The following INSYN2A variants were observed in gnomAD, a reference collection of about 807,000 sequenced individuals.
INSYN2A encodes family with sequence similarity 196 member A.
A neutral mutation model predicts 39.4 loss-of-function variants in INSYN2A; 17 were observed. That is an observed-to-expected ratio of 0.43 (90% confidence interval 0.30 to 0.65). The LOEUF is 0.65. INSYN2A is among the 30% of genes least tolerant of loss of function. The pLI is 0.14. For missense variants in INSYN2A, 595 were observed against 631.2 expected, an observed-to-expected ratio of 0.94 and a Z score of 0.61; for synonymous variants, 255 against 265.7, an observed-to-expected ratio of 0.96 and a Z score of 0.39.
chr10:127,186,674 T>C (rs934987072), intron 2 of INSYN2A, among the ~76,000 whole-genome samples: 1 of 151,926 alleles, frequency 6.6e-6, no homozygotes, highest in African/African-American at 2.4e-5. Context: ...TCCTGTTCTT[T>C]AGACTGAGAA....
intron 2 of INSYN2A, among the ~76,000 whole-genome samples, chr10:127,192,366 A>G (rs1292285524): frequency 6.6e-6 from 1 of 152,202 alleles, no homozygotes; most frequent in Admixed American, 6.5e-5. Flanking sequence ...GCTTGTCCCT[A>G]ATATCTGCTG....
chr10:127,191,124 C>A (rs1197037007), intron 2 of INSYN2A, among the ~76,000 whole-genome samples: 2 of 152,090 alleles, frequency 1.3e-5, no homozygotes, highest in Non-Finnish European at 2.9e-5. Flanking sequence ...TTGGCTTAAG[C>A]TCCAGGACTA....
intron 5 of INSYN2A, among the ~76,000 whole-genome samples, chr10:127,149,944 G>A (rs945118055): frequency 3.3e-5 from 5 of 152,154 alleles, no homozygotes; most frequent in Non-Finnish European, 7.3e-5. Flanking sequence ...CTAAGAGCCA[G>A]GCTTTGATCT....
rs1386524151 is a variant in INSYN2A at position 127,145,534 on chromosome 10, GTCC to G, written c.1257-7517_1257-7515del. Among the ~76,000 whole-genome samples the G allele has an allele frequency of 8.5e-5, 13 of 152,072 alleles. No homozygotes were observed. In the East Asian group the frequency reaches 2.5e-3, roughly 29 times the overall value. On this transcript the variant is annotated intron_variant, in intron 5 of 5. Coordinates refer to ENST00000522781, the MANE Select transcript of INSYN2A (RefSeq NM_001039762.3). ...GAAAAGGAGATGACACAGGGCTGTT[GTCC>G]TCCTGTTCTAAGCTGGTTGCTGTGA...
At chr10:127,170,585 G>A (rs1430427542) in intron 4 of INSYN2A, among the ~76,000 whole-genome samples, 1 of 152,098 alleles carries the variant, frequency 6.6e-6, no homozygotes, top group Non-Finnish European at 1.5e-5. Flanking sequence ...GAGCGCTGTC[G>A]GGGTTGCCAC....
rs1002696435 is a variant in INSYN2A, at chr10:127,136,102, G to A, written c.*1735C>T. 1 of 152,382 alleles carries A rather than the reference G, an allele frequency of 6.6e-6. No individual in the cohort carries two copies. The highest frequency in any genetic ancestry group is 1.9e-4 in the East Asian group (1 of 5,190). 9.4% of individuals were successfully genotyped at this position (152,382 alleles called of 1,614,324 possible). On this transcript the variant is annotated 3_prime_UTR_variant, in exon 6 of 6. Transcript: ENST00000522781. Reference sequence around the variant, plus strand: ...CATATAGTGTTTCCGCAGAGGATGTGTGTGTGCACATGTGTGTTTTAAATT... The same window carrying A: ...CATATAGTGTTTCCGCAGAGGATGTATGTGTGCACATGTGTGTTTTAAATT...
intron 5 of INSYN2A, among the ~76,000 whole-genome samples, chr10:127,142,327 C>T (rs552935764): frequency 6.6e-6 from 1 of 152,312 alleles, no homozygotes; most frequent in African/African-American, 2.4e-5. Context: ...AGTCCCCTTG[C>T]AACCTCCCAG....
At chr10:127,195,199 G>T (rs1237986504) in intron 1 of INSYN2A, among the ~76,000 whole-genome samples, 3 of 152,194 alleles carry the variant, frequency 2.0e-5, no homozygotes, top group African/African-American at 4.8e-5. Flanking sequence ...GAACCAGCAA[G>T]ATGCAGACTC....
chr10:127,193,680 G>A (rs776005935), intron 1 of INSYN2A, among the ~76,000 whole-genome samples: 10 of 152,234 alleles, frequency 6.6e-5, no homozygotes, highest in Non-Finnish European at 1.5e-4. Context: ...TTATTTCAGT[G>A]TGTAGGAGTC....
intron 2 of INSYN2A, among the ~76,000 whole-genome samples, chr10:127,191,760 A>G (rs1232383739): frequency 6.6e-6 from 1 of 152,204 alleles, no homozygotes; most frequent in Non-Finnish European, 1.5e-5. Context: ...GAACAGCTGT[A>G]AAAAGGCCCT....
At chr10:127,168,827 C>T (rs1377041639) in intron 4 of INSYN2A, among the ~76,000 whole-genome samples, 5 of 152,240 alleles carry the variant, frequency 3.3e-5, no homozygotes, top group East Asian at 1.9e-4. Flanking sequence ...GCTGCTGCAG[C>T]GGTGCACAAT....
At chr10:127,140,964 C>G (rs915598797) in intron 5 of INSYN2A, among the ~76,000 whole-genome samples, 3 of 152,308 alleles carry the variant, frequency 2.0e-5, no homozygotes, top group African/African-American at 4.8e-5. Context: ...ATGGCTCTTG[C>G]TTCAGCTTCC....
intron 4 of INSYN2A, among the ~76,000 whole-genome samples, chr10:127,160,264 A>G (rs2053481664): frequency 6.6e-6 from 1 of 152,194 alleles, no homozygotes; most frequent in Non-Finnish European, 1.5e-5. Context: ...TAATTACAGT[A>G]CTAGTATTGG....
At chr10:127,182,205 C>T (rs2055803182) in intron 2 of INSYN2A, among the ~76,000 whole-genome samples, 1 of 152,128 alleles carries the variant, frequency 6.6e-6, no homozygotes, top group Non-Finnish European at 1.5e-5. Flanking sequence ...GGAAAAGGGG[C>T]ACTCACAGAG....
intron 4 of INSYN2A, among the ~76,000 whole-genome samples, chr10:127,163,799 CTTT>C (rs531750560): frequency 1.3e-4 from 17 of 129,172 alleles, no homozygotes; most frequent in South Asian, 2.5e-4. Flanking sequence ...TAAAGCCTTC[CTTT>C]TTTTTTTTTT....
At chr10:127,153,569 C>T (rs1304664172) in intron 5 of INSYN2A, among the ~76,000 whole-genome samples, 2 of 152,196 alleles carry the variant, frequency 1.3e-5, no homozygotes, top group African/African-American at 4.8e-5. Context: ...GCCCAGGGCT[C>T]ACACCTATCG....
chr10:127,171,151 C>T (rs1029995959), intron 4 of INSYN2A, among the ~76,000 whole-genome samples: 1 of 152,130 alleles, frequency 6.6e-6, no homozygotes, highest in African/African-American at 2.4e-5. Flanking sequence ...CTGTCTCAGC[C>T]ATAAACATTC....
Position 127,137,564 on chromosome 10 carries a change from T to G in INSYN2A, c.*273A>C. ...TTGCAGATCGGGGGTGGGGGAAAAT[T>G]TTTACTTATCATCTTTGACTACGTA... On this transcript the variant is annotated 3_prime_UTR_variant, in exon 6 of 6. Coordinates refer to ENST00000522781, the MANE Select transcript of INSYN2A (RefSeq NM_001039762.3). 2.9e-6 allele frequency: 1 copy of G among 339,280 alleles called. No individual in the cohort carries two copies. Among genetic ancestry groups the G allele is most frequent in the Non-Finnish European group, 5.3e-6 (1 of 187,836 alleles). 21.0% of individuals were successfully genotyped at this position (339,280 alleles called of 1,614,324 possible). A position where few individuals can be genotyped will look rare whatever the true frequency, so the allele number is the denominator to read the frequency against.
chr10:127,185,179 G>C lies in INSYN2A; in HGVS notation c.-269+7426C>G, dbSNP rs147588451. ...CAAATATAAGTGTTCTGTGGAGTAG[G>C]TCCCTCTAAGTCTTCCTCCTATGCT... On this transcript the variant is annotated intron_variant, in intron 2 of 5. Transcript: ENST00000522781. Among the ~76,000 whole-genome samples, 876 of 152,242 alleles carry C rather than the reference G, an allele frequency of 5.8e-3. 11 individuals carry two copies. The highest frequency in any genetic ancestry group is 0.019 in the African/African-American group (805 of 41,528).
Sources: allele counts gnomAD v4.1 joint callset (sites outside exome capture counted in the v4.1 genomes callset), GRCh38; gene constraint gnomAD v4.1.1; transcripts MANE v1.5; gene names NCBI Gene and HGNC (gene_info 2026-07-23, HGNC 2026-07-21).